FLRT1: variants seen among roughly 807,000 people sequenced by gnomAD.
The protein encoded by FLRT1 is leucine-rich repeat transmembrane protein FLRT1.
A neutral mutation model predicts 30.9 loss-of-function variants in FLRT1; 14 were observed. The observed-to-expected ratio is 0.45, with a 90% CI of 0.30 to 0.71. The LOEUF (loss-of-function observed/expected upper bound fraction) is 0.71. FLRT1 is among the 30% of genes least tolerant of loss of function. The pLI is 0.08. For synonymous variants in FLRT1, 368 were observed against 430.4 expected (o/e 0.85, Z 1.80); for missense variants, 737 against 949.2 (o/e 0.78, Z 2.94).
intron 1 of FLRT1, among the ~76,000 whole-genome samples, chr11:64,048,280 G>A (rs1943623945): frequency 1.3e-5 from 2 of 152,224 alleles, no homozygotes. Context: ...GTCTGCCATG[G>A]GCAGCTGCCC....
intron 1 of FLRT1, among the ~76,000 whole-genome samples, chr11:64,061,260 C>G (rs1447489639): frequency 6.6e-6 from 1 of 152,246 alleles, no homozygotes; most frequent in Non-Finnish European, 1.5e-5. Context: ...GGTGTAATTG[C>G]TGGCTGTCAG....
chr11:64,101,853 C>T (rs145060449), intron 1 of FLRT1, among the ~76,000 whole-genome samples: 2 of 152,196 alleles, frequency 1.3e-5, no homozygotes, highest in Non-Finnish European at 2.9e-5. Context: ...CCTCCTTCTT[C>T]CTAGGGCAGC....
intron 2 of FLRT1, among the ~76,000 whole-genome samples, chr11:64,112,582 T>C (rs1331228417): frequency 6.6e-6 from 1 of 152,126 alleles, no homozygotes; most frequent in African/African-American, 2.4e-5. Context: ...TGGTAAATAC[T>C]ATAGGCAAGC....
intron 1 of FLRT1, among the ~76,000 whole-genome samples, chr11:64,099,396 T>C (rs1029465682): frequency 6.6e-6 from 1 of 152,224 alleles, no homozygotes; most frequent in South Asian, 2.1e-4. Flanking sequence ...TGGAGCATGA[T>C]TAGACTCAGA....
chr11:64,043,732 C>T (rs201644544), intron 1 of FLRT1, among the ~76,000 whole-genome samples: 9 of 152,260 alleles, frequency 5.9e-5, no homozygotes, highest in East Asian at 5.8e-4. Context: ...GGCTTCACAA[C>T]AGCCCCATTG....
intron 1 of FLRT1, among the ~76,000 whole-genome samples, chr11:64,052,689 G>C (rs575926411): frequency 6.6e-6 from 1 of 152,344 alleles, no homozygotes; most frequent in African/African-American, 2.4e-5. Context: ...TGCAAATGAG[G>C]AAATGGCGCT....
At chr11:64,066,941 C>A (rs1406739804) in intron 1 of FLRT1, among the ~76,000 whole-genome samples, 1 of 152,214 alleles carries the variant, frequency 6.6e-6, no homozygotes, top group Non-Finnish European at 1.5e-5. Context: ...AGGTGCTGCC[C>A]GCCCCAGTGC....
At chr11:64,068,901 G>C (rs1944055001) in intron 1 of FLRT1, among the ~76,000 whole-genome samples, 1 of 152,250 alleles carries the variant, frequency 6.6e-6, no homozygotes, top group African/African-American at 2.4e-5. Flanking sequence ...GACTTGGCGG[G>C]AAATGGGCAT....
intron 1 of FLRT1, among the ~76,000 whole-genome samples, chr11:64,083,302 G>A (rs1173430190): frequency 6.6e-6 from 1 of 152,142 alleles, no homozygotes; most frequent in Non-Finnish European, 1.5e-5. Flanking sequence ...TGGGCATGGT[G>A]GTGGGCACCT....
chr11:64,064,146 ATCT>A lies in FLRT1; in HGVS notation c.-1038+27991_-1038+27993del, dbSNP rs1943953672. Among the ~76,000 whole-genome samples, 1 of 152,112 alleles carries A rather than the reference ATCT, an allele frequency of 6.6e-6. No homozygotes were observed. Among genetic ancestry groups the A allele is most frequent in the African/African-American group, 2.4e-5 (1 of 41,414 alleles). On this transcript the variant is annotated intron_variant, in intron 1 of 2. Transcript: ENST00000682287. The surrounding 1 kb of genome is among the most constrained non-coding windows in gnomAD (Gnocchi z 4.5). ...GGTCTCTCCCACTCTCCCTTTCAGC[ATCT>A]TCTCTCTCTTGTCTTCTGAGGACAG...
chr11:64,060,083 T>G (rs1186406765), intron 1 of FLRT1, among the ~76,000 whole-genome samples: 2 of 152,270 alleles, frequency 1.3e-5, no homozygotes, highest in Non-Finnish European at 2.9e-5. Context: ...CCAATTAAGC[T>G]GCCAATAAAA....
chr11:64,083,367 T>C (rs1590883100), intron 1 of FLRT1, among the ~76,000 whole-genome samples: 2 of 152,120 alleles, frequency 1.3e-5, no homozygotes, highest in African/African-American at 2.4e-5. Flanking sequence ...ACCCAGGAAG[T>C]GGAGATTGCC....
chr11:64,057,888 AT>A (rs1341240354), intron 1 of FLRT1, among the ~76,000 whole-genome samples: 1 of 152,174 alleles, frequency 6.6e-6, no homozygotes, highest in Non-Finnish European at 1.5e-5. Context: ...AGGTCACAGG[AT>A]TTGAACTCAT....
chr11:64,049,962 C>A (rs577141133), intron 1 of FLRT1, among the ~76,000 whole-genome samples: 6 of 152,298 alleles, frequency 3.9e-5, no homozygotes, highest in African/African-American at 1.4e-4. Context: ...CTTGGCCTAG[C>A]GATCGCACAG....
At chr11:64,059,062 A>G (rs569451314) in intron 1 of FLRT1, among the ~76,000 whole-genome samples, 2 of 152,160 alleles carry the variant, frequency 1.3e-5, no homozygotes, top group Non-Finnish European at 1.5e-5. Context: ...TGGGCACCCA[A>G]TTTGCACTGG....
intron 1 of FLRT1, among the ~76,000 whole-genome samples, chr11:64,083,897 G>C (rs545050169): frequency 6.6e-6 from 1 of 152,366 alleles, no homozygotes; most frequent in Admixed American, 6.5e-5. Flanking sequence ...CAGCGTGCAG[G>C]CGGGCGTGCG....
At chr11:64,055,339 C>G (rs1001750850) in intron 1 of FLRT1, among the ~76,000 whole-genome samples, 2 of 152,210 alleles carry the variant, frequency 1.3e-5, no homozygotes, top group African/African-American at 2.4e-5. Context: ...CTTTAAATAC[C>G]AGCTGGAAGC....
intron 1 of FLRT1, among the ~76,000 whole-genome samples, chr11:64,094,288 C>T (rs1455059308): frequency 1.3e-5 from 2 of 152,022 alleles, no homozygotes; most frequent in African/African-American, 2.4e-5. Flanking sequence ...AAAAGTTAGC[C>T]GGGCATGGTG....
chr11:64,084,145 G>C (rs1462197680), intron 1 of FLRT1, among the ~76,000 whole-genome samples: 2 of 152,204 alleles, frequency 1.3e-5, no homozygotes, highest in African/African-American at 4.8e-5. Flanking sequence ...CTGTACATGA[G>C]TGCATGGCAC....
Sources: allele counts gnomAD v4.1 joint callset (sites outside exome capture counted in the v4.1 genomes callset), GRCh38; gene constraint gnomAD v4.1.1; non-coding constraint Gnocchi (gnomAD v3.1); transcripts MANE v1.5; gene names NCBI Gene and HGNC (gene_info 2026-07-23, HGNC 2026-07-21).